Variants in FAM20C observed in about 807,000 individuals in gnomAD.
FAM20C encodes the protein extracellular serine/threonine protein kinase FAM20C.
Under a neutral mutation model 51.5 loss-of-function variants are expected in FAM20C, and 40 were observed. The ratio of observed to expected loss-of-function variants is 0.78; its 90% CI spans 0.60 to 1.01. The LOEUF (loss-of-function observed/expected upper bound fraction) is 1.01, where lower values mean the gene tolerates loss of function less well. FAM20C is among the 50% of genes least tolerant of loss of function. FAM20C has a pLI of 0.00. For missense variants in FAM20C, 861 were observed against 844.7 expected (o/e 1.02, Z -0.24); for synonymous variants, 406 against 380.6 (o/e 1.07, Z -0.78).
chr7:206,828 G>C (rs1249389393), intron 2 of FAM20C, among the ~76,000 whole-genome samples: 4 of 108,558 alleles, frequency 3.7e-5, no homozygotes, highest in Middle Eastern at 7.0e-3. Context: ...CTGTCCCCTC[G>C]GCCCCGCACA....
At chr7:199,262 G>A (rs1786023343) in intron 2 of FAM20C, among the ~76,000 whole-genome samples, 1 of 152,232 alleles carries the variant, frequency 6.6e-6, no homozygotes, top group African/African-American at 2.4e-5. Flanking sequence ...GCAGCCTCTG[G>A]CTAGGCCCTT....
At chr7:249,575 A>G (rs1396827090) in intron 5 of FAM20C, among the ~76,000 whole-genome samples, 1 of 152,114 alleles carries the variant, frequency 6.6e-6, no homozygotes, top group African/African-American at 2.4e-5. Flanking sequence ...ACCCCTGTCT[A>G]CAGGAAATTA....
At chr7:228,208 A>T in intron 3 of FAM20C, 1 of 330,340 alleles carries the variant, frequency 3.0e-6, no homozygotes, top group Non-Finnish European at 6.0e-6. Context: ...GCCCGTGGCC[A>T]ATCAGAGAAA....
intron 3 of FAM20C, among the ~76,000 whole-genome samples, chr7:233,741 C>T (rs1787768720): frequency 6.6e-6 from 1 of 152,180 alleles, no homozygotes; most frequent in African/African-American, 2.4e-5. Flanking sequence ...TCCCGCCACG[C>T]GAGGCAGCAG....
chr7:226,081 T>C (rs1583312170), intron 3 of FAM20C, among the ~76,000 whole-genome samples: 1 of 152,110 alleles, frequency 6.6e-6, no homozygotes, highest in Admixed American at 6.5e-5. Flanking sequence ...GGGGTGATCT[T>C]GGGGGTCAGA....
At chr7:206,720 G>T (rs1404916954) in intron 2 of FAM20C, among the ~76,000 whole-genome samples, 17 of 126,536 alleles carry the variant, frequency 1.3e-4, no homozygotes, top group East Asian at 4.5e-4. Context: ...CGTCTGTCAT[G>T]GTCCCCTCGG....
At chr7:250,653 C>G (rs1788359933) in intron 5 of FAM20C, among the ~76,000 whole-genome samples, 1 of 152,214 alleles carries the variant, frequency 6.6e-6, no homozygotes, top group Non-Finnish European at 1.5e-5. Flanking sequence ...CCGCTGTCAG[C>G]CCTTGGGTCG....
chr7:227,931 T>G (rs28661557), intron 3 of FAM20C: 124,110 of 154,340 alleles, frequency 0.8, 50,406 homozygotes, highest in Non-Finnish European at 0.85. Flanking sequence ...CTGAGATGAT[T>G]TTCCAGCCAA....
At chr7:201,060 C>G (rs12537292) in intron 2 of FAM20C, among the ~76,000 whole-genome samples, 100,335 of 152,068 alleles carry the variant, frequency 0.66, 33,353 homozygotes, top group East Asian at 0.74. Flanking sequence ...GAGATGTGTG[C>G]GGTGGGAAGA....
At chr7:207,526 T>G (rs1786481715) in intron 2 of FAM20C, among the ~76,000 whole-genome samples, 1 of 152,040 alleles carries the variant, frequency 6.6e-6, no homozygotes, top group Non-Finnish European at 1.5e-5. Context: ...GGGAGGCTGC[T>G]CCTGAGCTGC....
At position 259,712 on chromosome 7, in the gene FAM20C, A is replaced by T. The variant is rs2115182972; in HGVS notation, c.1506-19A>T. The T allele has an allele frequency of 4.6e-6, 7 of 1,525,300 alleles. No homozygotes were observed. In the South Asian group the frequency reaches 8.5e-5, roughly 18 times the overall value. 94.5% of individuals were successfully genotyped at this position (1,525,300 alleles called of 1,614,324 possible). A position where few individuals can be genotyped will look rare whatever the true frequency, so the allele number is the denominator to read the frequency against. On this transcript the variant is annotated intron_variant, in intron 9 of 9. Coordinates refer to ENST00000313766, the MANE Select transcript of FAM20C (RefSeq NM_020223.4). ...TCTCCCCTGTCCCGTGCCAGGCCTG[A>T]TGCCCCTCTCCTCCCCAGGATCCGG...
rs1785607663 is a variant in FAM20C at position 192,585 on chromosome 7, G to A, written c.-615G>A. 6.6e-6 allele frequency among the ~76,000 whole-genome samples: 1 copy of A among 150,906 alleles called. No individual in the cohort carries two copies. Among genetic ancestry groups the A allele is most frequent in the South Asian group, 2.1e-4 (1 of 4,836 alleles). On this transcript the variant is annotated 5_prime_UTR_variant, in exon 1 of 10. Coordinates refer to ENST00000313766, the MANE Select transcript of FAM20C (RefSeq NM_020223.4). ...CGCGGGGCGCCGAGAGGCTCGGCCA[G>A]GCGGGAGCTGCGCTCGGGGCGGCCG...
At position 224,277 on chromosome 7, in the gene FAM20C, G is replaced by C. The variant is rs576276376; in HGVS notation, c.863+15301G>C. 4.6e-5 allele frequency among the ~76,000 whole-genome samples: 3 copies of C among 65,368 alleles called. 1 individual carries two copies. The highest frequency in any genetic ancestry group is 4.1e-4 in the Admixed American group (3 of 7,296). 42.9% of individuals were successfully genotyped at this position (65,368 alleles called of 152,430 possible). On this transcript the variant is annotated intron_variant, in intron 3 of 9. Coordinates refer to ENST00000313766, the MANE Select transcript of FAM20C (RefSeq NM_020223.4). Reference sequence around the variant, plus strand: ...CGGGGTCGCATGGCGGCTGTCCCCTGAGCCTTCTCTCACGGAGCAGAATGG... The same window carrying C: ...CGGGGTCGCATGGCGGCTGTCCCCTCAGCCTTCTCTCACGGAGCAGAATGG...
intron 3 of FAM20C, among the ~76,000 whole-genome samples, chr7:214,375 A>G (rs1786866374): frequency 6.6e-6 from 1 of 152,188 alleles, no homozygotes; most frequent in Non-Finnish European, 1.5e-5. Context: ...TTTACCACAT[A>G]TGTGGTATCA....
chr7:214,539 G>C (rs761425640), intron 3 of FAM20C, among the ~76,000 whole-genome samples: 1 of 152,340 alleles, frequency 6.6e-6, no homozygotes, highest in Middle Eastern at 3.4e-3. Context: ...TCAGCGGAAC[G>C]GTGCGGCTTT....
At chr7:257,152 AC>A in intron 8 of FAM20C, 66 bp downstream of exon 8, 1 of 1,435,720 alleles carries the variant, frequency 7.0e-7, no homozygotes, top group South Asian at 1.2e-5. Context: ...CCTGCAGCCC[AC>A]CTGAGACCCT....
chr7:252,956 TGA>T (rs1788456915), intron 5 of FAM20C, among the ~76,000 whole-genome samples: 1 of 152,252 alleles, frequency 6.6e-6, no homozygotes, highest in Non-Finnish European at 1.5e-5. Context: ...TTCTGCAAGG[TGA>T]GCGCCCCCAG....
chr7:192,818 G>A lies in FAM20C; in HGVS notation c.-382G>A, dbSNP rs1446814903. Among the ~76,000 whole-genome samples the A allele has an allele frequency of 6.8e-6, 1 of 147,922 alleles. No individual in the cohort carries two copies. The highest frequency in any genetic ancestry group is 1.5e-5 in the Non-Finnish European group (1 of 66,318). Reference sequence around the variant, plus strand: ...GCCTGCGGCCGCCGCCACCGCCCAGGCCCGTCGCGCCCCGGCCGGGATGGA... The same window carrying A: ...GCCTGCGGCCGCCGCCACCGCCCAGACCCGTCGCGCCCCGGCCGGGATGGA... On this transcript the variant is annotated 5_prime_UTR_variant, in exon 1 of 10. Transcript: ENST00000313766.
At chr7:255,705 T>C (rs1788562622) in intron 5 of FAM20C, 144 bp from the exon 6 acceptor site, 5 of 815,812 alleles carry the variant, frequency 6.1e-6, no homozygotes, top group South Asian at 3.3e-5. Context: ...TGGAGGTGTT[T>C]GCTGGGATTG....
Sources: allele counts gnomAD v4.1 joint callset (sites outside exome capture counted in the v4.1 genomes callset), GRCh38; gene constraint gnomAD v4.1.1; transcripts MANE v1.5; gene names NCBI Gene and HGNC (gene_info 2026-07-23, HGNC 2026-07-21).